Variants in NCAPG2 observed in about 807,000 individuals in gnomAD.
NCAPG2 encodes non-SMC condensin II complex subunit G2, also known as condensin-2 complex subunit G2.
Under a neutral mutation model 141.1 loss-of-function variants are expected in NCAPG2, and 53 were observed. That is an observed-to-expected ratio of 0.38 (90% CI 0.30 to 0.47). The LOEUF is 0.47. NCAPG2 is among the 20% of genes least tolerant of loss of function. The probability of loss-of-function intolerance (pLI) is 0.99; values close to 1 mark genes in which losing one functional copy is unlikely to be tolerated. For missense variants in NCAPG2, 1,087 were observed against 1,389.0 expected (o/e 0.78, Z 3.46); for synonymous variants, 499 against 490.7 (o/e 1.02, Z -0.22).
At chr7:158,651,013 C>T (rs1207071813) in intron 23 of NCAPG2, 41 bp from the exon 24 acceptor site, 7 of 1,528,196 alleles carry the variant, frequency 4.6e-6, no homozygotes, top group South Asian at 1.2e-5. Flanking sequence ...GACTAAAAAC[C>T]ATGGTTTTGA....
At chr7:158,646,692 A>G (rs1325403952) in intron 24 of NCAPG2, 129 bp from the exon 25 acceptor site, 5 of 617,916 alleles carry the variant, frequency 8.1e-6, no homozygotes, top group Non-Finnish European at 1.4e-5. Flanking sequence ...ATTTTTATTA[A>G]CTGTTGAAAT....
intron 9 of NCAPG2, among the ~76,000 whole-genome samples, chr7:158,681,028 G>A (rs4909258): frequency 0.54 from 82,773 of 151,968 alleles, 23,099 homozygotes; most frequent in Non-Finnish European, 0.6. Flanking sequence ...AAGAATCTAC[G>A]GCTGAAATAA....
chr7:158,636,094 CT>C (rs1457640915), intron 27 of NCAPG2, among the ~76,000 whole-genome samples: 1 of 152,090 alleles, frequency 6.6e-6, no homozygotes. Context: ...GGGAGGAGCT[CT>C]TTTTTTCATC....
intron 10 of NCAPG2, among the ~76,000 whole-genome samples, chr7:158,680,420 C>A (rs573748611): frequency 6.6e-6 from 1 of 152,270 alleles, no homozygotes; most frequent in East Asian, 1.9e-4. Flanking sequence ...CCCAGGCCAG[C>A]GCGGCAAACC....
chr7:158,701,725 C>T, intron 2 of NCAPG2, 97 bp downstream of exon 2: 2 of 1,110,714 alleles, frequency 1.8e-6, no homozygotes, highest in South Asian at 1.4e-5. Context: ...TAAGGATTCA[C>T]TGAGATAACT....
intron 23 of NCAPG2, 39 bp from the exon 24 acceptor site, chr7:158,651,011 AC>A (rs1328669871): frequency 2.0e-6 from 3 of 1,531,638 alleles, no homozygotes; most frequent in African/African-American, 1.4e-5. Flanking sequence ...ATGACTAAAA[AC>A]CATGGTTTTG....
At chr7:158,698,666 C>A (rs1199501800) in intron 2 of NCAPG2, among the ~76,000 whole-genome samples, 1 of 152,194 alleles carries the variant, frequency 6.6e-6, no homozygotes, top group Non-Finnish European at 1.5e-5. Flanking sequence ...TTCTCAGAAC[C>A]TATCCTCATC....
intron 12 of NCAPG2, among the ~76,000 whole-genome samples, chr7:158,672,594 G>T (rs1233334379): frequency 6.6e-6 from 1 of 151,760 alleles, no homozygotes; most frequent in Non-Finnish European, 1.5e-5. Flanking sequence ...GCCCGCCTCG[G>T]CCTCCCAAAG....
chr7:158,673,711 CCA>C (rs1471190745), intron 12 of NCAPG2, among the ~76,000 whole-genome samples: 3 of 152,210 alleles, frequency 2.0e-5, no homozygotes, highest in Non-Finnish European at 2.9e-5. Context: ...CGCATGCAAA[CCA>C]CAGTCAGAGC....
At chr7:158,647,697 CTT>C (rs200623735) in intron 24 of NCAPG2, among the ~76,000 whole-genome samples, 1 of 145,342 alleles carries the variant, frequency 6.9e-6, no homozygotes, top group Admixed American at 6.9e-5. Flanking sequence ...AACAACACTG[CTT>C]TTTTTTTTTT....
In NCAPG2 at chr7:158,680,754, T is replaced by C; in HGVS notation, c.987A>G (p.Arg329=). The C allele has an allele frequency of 6.2e-7, 1 of 1,603,876 alleles. No individual in the cohort carries two copies. The highest frequency in any genetic ancestry group is 8.5e-7 in the Non-Finnish European group (1 of 1,174,516). Residue 329 remains arginine (R), a synonymous_variant, in exon 10 of 28, where the codon AGA becomes AGG. Coordinates refer to ENST00000356309, the MANE Select transcript of NCAPG2 (RefSeq NM_017760.7). The part of the protein sequence containing the change: ...VRQGVEEMLY[R]LYKPILWRGL... ...CTCTCCAAAGGATGGGCTTATATAATCTATAAAGCATCTCTTCCACTCCCT... is the reference window on the plus strand; with the variant it reads ...CTCTCCAAAGGATGGGCTTATATAACCTATAAAGCATCTCTTCCACTCCCT...
intron 27 of NCAPG2, among the ~76,000 whole-genome samples, chr7:158,639,242 G>A (rs756305819): frequency 1.3e-4 from 20 of 151,966 alleles, no homozygotes; most frequent in Non-Finnish European, 2.1e-4. Flanking sequence ...TGGGTAGCTG[G>A]GACCACAGGT....
chr7:158,637,545 G>A (rs1830345348), intron 27 of NCAPG2, among the ~76,000 whole-genome samples: 2 of 152,300 alleles, frequency 1.3e-5, no homozygotes, highest in African/African-American at 2.4e-5. Context: ...GGAGCCTGTG[G>A]GACTCAAGAG....
chr7:158,659,702 A>T (rs938100735), intron 16 of NCAPG2, among the ~76,000 whole-genome samples: 2 of 152,188 alleles, frequency 1.3e-5, no homozygotes, highest in African/African-American at 4.8e-5. Context: ...TAATAATAAT[A>T]ATTTTCCTGA....
intron 2 of NCAPG2, among the ~76,000 whole-genome samples, chr7:158,696,869 G>A (rs1211952315): frequency 6.6e-6 from 1 of 152,118 alleles, no homozygotes; most frequent in Non-Finnish European, 1.5e-5. Flanking sequence ...ATATAGTCAG[G>A]CAATGCATAG....
chr7:158,649,504 G>A (rs1023481028), intron 24 of NCAPG2, among the ~76,000 whole-genome samples: 29 of 152,184 alleles, frequency 1.9e-4, no homozygotes, highest in African/African-American at 6.8e-4. Context: ...TGAGCCAGAT[G>A]TGACTCACAG....
In NCAPG2 at chr7:158,654,678, C is replaced by T; in HGVS notation, c.2663G>A (p.Cys888Tyr). The T allele has an allele frequency of 6.2e-7, 1 of 1,613,912 alleles. No individual in the cohort carries two copies. Among genetic ancestry groups the T allele is most frequent in the Non-Finnish European group, 8.5e-7 (1 of 1,179,916 alleles). Residue 888 changes from cysteine (C) to tyrosine (Y), a missense_variant, in exon 22 of 28, where the codon TGT becomes TAT. Physicochemically the swap from Cys to Tyr is radical, Grantham distance 194. Coordinates refer to ENST00000356309, the MANE Select transcript of NCAPG2 (RefSeq NM_017760.7). ...QQIIQTYLTV[C>Y]KDVVMVGLGD... Reference sequence around the variant, plus strand: ...AAGGCCTACCATAACAACATCTTTACACACAGTCAGGTAGGTCTGTAAGAG... The same window carrying T: ...AAGGCCTACCATAACAACATCTTTATACACAGTCAGGTAGGTCTGTAAGAG...
intron 27 of NCAPG2, among the ~76,000 whole-genome samples, chr7:158,635,270 A>AAGC (rs1261457979): frequency 1.3e-5 from 2 of 152,218 alleles, no homozygotes; most frequent in African/African-American, 4.8e-5. Context: ...TTTAAAAAAA[A>AAGC]AGACTGTTAA....
rs1830009770 is a variant in NCAPG2, at chr7:158,633,455, G to A, written c.3381-1738C>T. Among the ~76,000 whole-genome samples the A allele has an allele frequency of 6.6e-6, 1 of 152,234 alleles. No homozygotes were observed. The highest frequency in any genetic ancestry group is 1.5e-5 in the Non-Finnish European group (1 of 68,044). On this transcript the variant is annotated intron_variant, in intron 27 of 27. Coordinates refer to ENST00000356309, the MANE Select transcript of NCAPG2 (RefSeq NM_017760.7). The surrounding 1 kb of genome is among the most constrained non-coding windows in gnomAD (Gnocchi z 4.1). ...ACCCTCTGTGTGGTTATTTCTGCCT[G>A]TGTTGAACCAGGGGTGAGGGCACAG...
Sources: gnomAD v4.1 joint callset for allele counts (sites outside exome capture counted in the v4.1 genomes callset) on GRCh38, gnomAD v4.1.1 for gene constraint, Gnocchi (gnomAD v3.1) non-coding constraint, MANE v1.5 for transcripts, NCBI Gene and HGNC (gene_info 2026-07-23, HGNC 2026-07-21) for gene names.